Variants in TRPM3 observed in about 807,000 individuals in gnomAD.
The protein encoded by TRPM3 is transient receptor potential cation channel subfamily M member 3, also known as long transient receptor potential channel 3.
In TRPM3, 77 loss-of-function variants were observed where a neutral mutation model predicts 181.2. The observed-to-expected ratio is 0.42, with a 90% CI of 0.35 to 0.51. TRPM3 has a LOEUF of 0.51. Ranked by LOEUF, TRPM3 falls within the 20% of genes least tolerant of loss-of-function variation. The pLI is 0.01. For missense variants in TRPM3, 1,759 were observed against 2,196.7 expected (o/e 0.80, Z 3.98); for synonymous variants, 745 against 796.4 (o/e 0.94, Z 1.09).
chr9:70,763,095 G>A (rs2078444859), intron 7 of TRPM3, among the ~76,000 whole-genome samples: 1 of 152,178 alleles, frequency 6.6e-6, no homozygotes, highest in Admixed American at 6.5e-5. Context: ...GCCCTGCTTT[G>A]AGGAGGGTGG....
At chr9:70,673,209 G>A (rs1444443127) in intron 9 of TRPM3, among the ~76,000 whole-genome samples, 2 of 152,124 alleles carry the variant, frequency 1.3e-5, no homozygotes, top group Non-Finnish European at 2.9e-5. Flanking sequence ...GTTTTGGGAT[G>A]AGGTAGTAAT....
At chr9:71,054,098 G>A (rs1316397613) in intron 1 of TRPM3, among the ~76,000 whole-genome samples, 2 of 152,094 alleles carry the variant, frequency 1.3e-5, no homozygotes, top group South Asian at 2.1e-4. Context: ...AGCATGATGT[G>A]TGGTACATGG....
At chr9:70,858,538 C>T (rs375239107) in intron 3 of TRPM3, among the ~76,000 whole-genome samples, 1 of 152,026 alleles carries the variant, frequency 6.6e-6, no homozygotes, top group Non-Finnish European at 1.5e-5. Context: ...GGACAAAATG[C>T]TTATTTATGT....
intron 22 of TRPM3, among the ~76,000 whole-genome samples, chr9:70,562,355 A>C (rs949788919): frequency 6.6e-6 from 1 of 152,160 alleles, no homozygotes; most frequent in Non-Finnish European, 1.5e-5. Context: ...CACTTGTAGA[A>C]CCTTAATCTT....
intron 1 of TRPM3, among the ~76,000 whole-genome samples, chr9:71,079,019 A>AT (rs5898176): frequency 0.23 from 34,240 of 150,102 alleles, 4,548 homozygotes; most frequent in East Asian, 0.33. Flanking sequence ...AATGAGCACT[A>AT]TTTTTTTTTT....
intron 1 of TRPM3, among the ~76,000 whole-genome samples, chr9:71,400,459 C>T (rs2093316066): frequency 6.6e-6 from 1 of 152,148 alleles, no homozygotes; most frequent in Non-Finnish European, 1.5e-5. Flanking sequence ...AATTCTGTTA[C>T]TGTTGAAACC....
chr9:70,848,206 G>T (rs536202208), intron 3 of TRPM3, among the ~76,000 whole-genome samples: 5 of 151,986 alleles, frequency 3.3e-5, no homozygotes, highest in African/African-American at 9.6e-5. Context: ...GAACCAAACA[G>T]AACTTCTAGT....
chr9:71,410,967 T>A (rs937959884), intron 1 of TRPM3, among the ~76,000 whole-genome samples: 6 of 152,230 alleles, frequency 3.9e-5, no homozygotes, highest in Non-Finnish European at 1.5e-5. Flanking sequence ...TCAATAAACG[T>A]AATCCATCAT....
Position 70,643,797 on chromosome 9 carries a change from G to A in TRPM3, c.1346-3137C>T, listed in dbSNP as rs147419482. Among the ~76,000 whole-genome samples the A allele has an allele frequency of 1.3e-3, 200 of 152,324 alleles. 1 individual carries two copies. The highest frequency in any genetic ancestry group is 3.9e-3 in the African/African-American group (162 of 41,576). ...TAGTTTAATTGGTCCTGGGCATTGCGGTTTTTAAAAGTTCCCCAATGATTC... is the reference window on the plus strand; with the variant it reads ...TAGTTTAATTGGTCCTGGGCATTGCAGTTTTTAAAAGTTCCCCAATGATTC... On this transcript the variant is annotated intron_variant, in intron 9 of 25. Coordinates refer to ENST00000677713, the MANE Select transcript of TRPM3 (RefSeq NM_001366145.2).
chr9:71,223,664 G>A (rs1353219374), intron 1 of TRPM3, among the ~76,000 whole-genome samples: 1 of 152,164 alleles, frequency 6.6e-6, no homozygotes, highest in Non-Finnish European at 1.5e-5. Flanking sequence ...TGGGCCAGAG[G>A]GGAGCCCACT....
At chr9:71,439,076 T>G (rs946130409) in intron 1 of TRPM3, among the ~76,000 whole-genome samples, 65 of 152,170 alleles carry the variant, frequency 4.3e-4, no homozygotes, top group African/African-American at 1.6e-3. Flanking sequence ...AGAATGTCAA[T>G]AAACTACCTT....
chr9:71,352,217 G>A (rs1418357438), intron 1 of TRPM3, among the ~76,000 whole-genome samples: 1 of 152,074 alleles, frequency 6.6e-6, no homozygotes, highest in Non-Finnish European at 1.5e-5. Context: ...ATATACAAAT[G>A]TTCATTATGT....
chr9:70,915,308 C>CT (rs1353689869), intron 1 of TRPM3, among the ~76,000 whole-genome samples: 1 of 148,362 alleles, frequency 6.7e-6, no homozygotes, highest in East Asian at 2.1e-4. Flanking sequence ...CTTTTTTTTT[C>CT]TTTTTTTGAG....
intron 1 of TRPM3, among the ~76,000 whole-genome samples, chr9:71,246,260 A>T (rs1482804804): frequency 1.3e-5 from 2 of 152,216 alleles, no homozygotes; most frequent in Non-Finnish European, 2.9e-5. Context: ...TGATTTTAAA[A>T]ATTTTTTTCA....
intron 1 of TRPM3, among the ~76,000 whole-genome samples, chr9:71,138,765 G>C (rs1267042358): frequency 6.6e-6 from 1 of 152,088 alleles, no homozygotes; most frequent in Non-Finnish European, 1.5e-5. Context: ...CTTCCTTGGG[G>C]AGAACTTTTT....
intron 1 of TRPM3, among the ~76,000 whole-genome samples, chr9:70,969,756 T>TTATATTTATATATATA (rs924887097): frequency 6.2e-4 from 79 of 126,616 alleles, no homozygotes; most frequent in African/African-American, 2.1e-3. Flanking sequence ...CTGAATGATT[T>TTATATTTATATATATA]TATATATATA....
chr9:71,342,865 T>C (rs1462410415), intron 1 of TRPM3, among the ~76,000 whole-genome samples: 2 of 152,116 alleles, frequency 1.3e-5, no homozygotes, highest in African/African-American at 2.4e-5. Flanking sequence ...GGTCCATCTG[T>C]ATAATGGTTT....
chr9:71,342,777 C>T (rs1262132384), intron 1 of TRPM3, among the ~76,000 whole-genome samples: 2 of 152,090 alleles, frequency 1.3e-5, no homozygotes, highest in Non-Finnish European at 2.9e-5. Flanking sequence ...GTAGCAGCAG[C>T]TTCATTCATA....
intron 1 of TRPM3, among the ~76,000 whole-genome samples, chr9:71,141,868 C>T (rs78350735): frequency 0.075 from 11,455 of 152,172 alleles, 526 homozygotes; most frequent in African/African-American, 0.13. Context: ...ATTTCTTCTT[C>T]CACAAGAGCA....
Sources: gnomAD v4.1 joint callset for allele counts (sites outside exome capture counted in the v4.1 genomes callset) on GRCh38, gnomAD v4.1.1 for gene constraint, MANE v1.5 for transcripts, NCBI Gene and HGNC (gene_info 2026-07-23, HGNC 2026-07-21) for gene names.